Variants in RPS6KA2 observed in about 807,000 individuals in gnomAD.
The protein encoded by RPS6KA2 is ribosomal protein S6 kinase A2, also known as ribosomal protein S6 kinase alpha-2.
A neutral mutation model predicts 91.8 loss-of-function variants in RPS6KA2; 42 were observed. That is an observed-to-expected ratio of 0.46 (90% CI 0.36 to 0.59). The LOEUF is 0.59. Among genes scored for constraint, RPS6KA2 ranks in the 20% least tolerant of loss-of-function variants. RPS6KA2 has a pLI of 0.00. For missense variants in RPS6KA2, 798 were observed against 978.5 expected (o/e 0.82, Z 2.46); for synonymous variants, 414 against 393.6 (o/e 1.05, Z -0.61).
chr6:166,580,962 C>T (rs1006695511), intron 1 of RPS6KA2, among the ~76,000 whole-genome samples: 6 of 152,034 alleles, frequency 3.9e-5, no homozygotes, highest in Non-Finnish European at 7.4e-5. Context: ...AATGCAGTGG[C>T]GCAATCTCGG....
At chr6:166,791,510 C>T (rs547791711) in intron 2 of RPS6KA2, among the ~76,000 whole-genome samples, 18 of 152,256 alleles carry the variant, frequency 1.2e-4, no homozygotes, top group South Asian at 4.1e-4. Flanking sequence ...CTGCACCAAG[C>T]GGACCTAATA....
rs559408697 is a variant in RPS6KA2, at chr6:166,845,226, G to T, written c.123+12974C>A. On this transcript the variant is annotated intron_variant, in intron 2 of 21. Transcript: ENST00000503859. ...CAAGTTTACAAAACAATTATGACTAGACCTAAGAAATAAAGAGACAGCAAC... is the reference window on the plus strand; with the variant it reads ...CAAGTTTACAAAACAATTATGACTATACCTAAGAAATAAAGAGACAGCAAC... Among the ~76,000 whole-genome samples the T allele has an allele frequency of 1.8e-3, 276 of 152,110 alleles. 1 individual carries two copies. The highest frequency in any genetic ancestry group is 6.4e-3 in the African/African-American group (265 of 41,496).
intron 3 of RPS6KA2, among the ~76,000 whole-genome samples, chr6:166,520,034 C>T (rs536857896): frequency 1.3e-5 from 2 of 152,242 alleles, no homozygotes; most frequent in Admixed American, 1.3e-4. Context: ...CCATCCAGCC[C>T]ACTGAGGGCC....
chr6:166,616,663 C>T (rs1457400136), intron 1 of RPS6KA2, among the ~76,000 whole-genome samples: 1 of 152,234 alleles, frequency 6.6e-6, no homozygotes, highest in Non-Finnish European at 1.5e-5. Context: ...TCCATCCTCC[C>T]TCTGCCAGGC....
At chr6:166,522,189 T>C (rs1433733449) in intron 3 of RPS6KA2, among the ~76,000 whole-genome samples, 7 of 152,250 alleles carry the variant, frequency 4.6e-5, no homozygotes, top group Non-Finnish European at 8.8e-5. Flanking sequence ...TATTATAGCA[T>C]ACTGTTCTGT....
intron 2 of RPS6KA2, among the ~76,000 whole-genome samples, chr6:166,818,085 G>A (rs1395132970): frequency 6.6e-6 from 1 of 152,024 alleles, no homozygotes; most frequent in Non-Finnish European, 1.5e-5. Context: ...CTATTTCAGT[G>A]TGTTTCTCTT....
At chr6:166,413,664 G>C (rs1265566129) in intron 20 of RPS6KA2, 130 bp downstream of exon 20, 6 of 878,872 alleles carry the variant, frequency 6.8e-6, no homozygotes, top group Non-Finnish European at 8.6e-6. Context: ...GTGGGCCGGC[G>C]GTGCAGTTTG....
chr6:166,815,534 C>T (rs566410860), intron 2 of RPS6KA2, among the ~76,000 whole-genome samples: 1 of 152,274 alleles, frequency 6.6e-6, no homozygotes, highest in South Asian at 2.1e-4. Context: ...TATCATCTGG[C>T]CTGTAACTTA....
chr6:166,718,647 T>A (rs540221629), intron 2 of RPS6KA2, among the ~76,000 whole-genome samples: 2 of 152,174 alleles, frequency 1.3e-5, no homozygotes, highest in African/African-American at 4.8e-5. Context: ...AATGAGGACA[T>A]GCACCCGAGA....
intron 4 of RPS6KA2, among the ~76,000 whole-genome samples, chr6:166,509,743 C>G (rs988636426): frequency 1.3e-5 from 2 of 152,154 alleles, no homozygotes; most frequent in South Asian, 2.1e-4. Flanking sequence ...AGGCAGACAG[C>G]AAATGAAGAG....
intron 1 of RPS6KA2, among the ~76,000 whole-genome samples, chr6:166,542,091 AAAAC>A (rs1397639112): frequency 6.6e-6 from 1 of 152,214 alleles, no homozygotes; most frequent in Non-Finnish European, 1.5e-5. Context: ...AAAACAAAAC[AAAAC>A]AAACAAAGAT....
chr6:166,705,290 C>T (rs1789649364), intron 2 of RPS6KA2, among the ~76,000 whole-genome samples: 1 of 152,202 alleles, frequency 6.6e-6, no homozygotes, highest in Admixed American at 6.5e-5. Flanking sequence ...TAAATTTTAC[C>T]AGTAGTGTTT....
At position 166,571,950 on chromosome 6, in the gene RPS6KA2, T is replaced by TG. The variant is rs1476092474; in HGVS notation, c.100-33167dup. On this transcript the variant is annotated intron_variant, in intron 1 of 20. Coordinates refer to ENST00000265678, the MANE Select transcript of RPS6KA2 (RefSeq NM_021135.6). ...TGGCATTATTTATAGTGAAGAACAG[T>TG]GGGGGGAATAAAACCCTTACATCTT... Among the ~76,000 whole-genome samples the TG allele has an allele frequency of 6.6e-5, 10 of 152,194 alleles. No individual in the cohort carries two copies. In the East Asian group the frequency reaches 1.7e-3, roughly 26 times the overall value.
intron 2 of RPS6KA2, among the ~76,000 whole-genome samples, chr6:166,822,906 CTTTTTCTTGGTAGAATGACAAGT>C (rs2128623756): frequency 6.6e-6 from 1 of 152,298 alleles, no homozygotes; most frequent in East Asian, 1.9e-4. Flanking sequence ...TCAGTCATAA[CTTTTTCTTGGTAGAATGACAAGT>C]TTCTTTTAAG....
At chr6:166,609,460 A>T (rs1329038682) in intron 1 of RPS6KA2, among the ~76,000 whole-genome samples, 1 of 151,574 alleles carries the variant, frequency 6.6e-6, no homozygotes, top group Non-Finnish European at 1.5e-5. Flanking sequence ...TATATCAATG[A>T]CTCAGGAGCA....
chr6:166,855,171 T>G (rs1780853181), intron 2 of RPS6KA2, among the ~76,000 whole-genome samples: 1 of 152,114 alleles, frequency 6.6e-6, no homozygotes, highest in Non-Finnish European at 1.5e-5. Context: ...AACACTGGGC[T>G]ACAAAAGGTG....
chr6:166,812,210 G>T (rs368121985), intron 2 of RPS6KA2, among the ~76,000 whole-genome samples: 1 of 152,180 alleles, frequency 6.6e-6, no homozygotes, highest in East Asian at 1.9e-4. Flanking sequence ...AAAAAAATTA[G>T]CCGGGAATGG....
At chr6:166,805,695 C>T (rs1779476314) in intron 2 of RPS6KA2, among the ~76,000 whole-genome samples, 1 of 152,070 alleles carries the variant, frequency 6.6e-6, no homozygotes, top group Non-Finnish European at 1.5e-5. Flanking sequence ...TTATTAGATT[C>T]CAATGTCCAG....
chr6:166,833,439 TTAAGTG>T (rs1780237013), intron 2 of RPS6KA2, among the ~76,000 whole-genome samples: 1 of 152,244 alleles, frequency 6.6e-6, no homozygotes, highest in African/African-American at 2.4e-5. Context: ...TTCACTTCCT[TTAAGTG>T]TAGAGATCAA....
Sources: gnomAD v4.1 joint callset for allele counts (sites outside exome capture counted in the v4.1 genomes callset) on GRCh38, gnomAD v4.1.1 for gene constraint, MANE v1.5 for transcripts, NCBI Gene and HGNC (gene_info 2026-07-23, HGNC 2026-07-21) for gene names.